SCARA5: variants seen among roughly 807,000 people sequenced by gnomAD.
SCARA5 encodes scavenger receptor class A member 5.
Under a neutral mutation model 46.3 loss-of-function variants are expected in SCARA5, and 45 were observed. That is an observed-to-expected ratio of 0.97 (90% CI 0.76 to 1.24). The LOEUF (loss-of-function observed/expected upper bound fraction) is 1.24, where lower values mean the gene tolerates loss of function less well. Ranked by LOEUF, SCARA5 falls within the 50% of genes most tolerant of loss-of-function variation. The probability of loss-of-function intolerance (pLI) is 0.00; values close to 1 mark genes in which losing one functional copy is unlikely to be tolerated. For missense variants in SCARA5, 680 were observed against 689.0 expected (o/e 0.99, Z 0.15); for synonymous variants, 333 against 306.5 (o/e 1.09, Z -0.90).
At chr8:27,879,507 T>A (rs1585459398) in intron 8 of SCARA5, 62 bp downstream of exon 8, 1 of 1,505,528 alleles carries the variant, frequency 6.6e-7, no homozygotes, top group Admixed American at 1.7e-5. Context: ...GCTTTGGAGG[T>A]GAGCCCAGTC....
intron 3 of SCARA5, among the ~76,000 whole-genome samples, chr8:27,953,014 A>G (rs1808152846): frequency 6.6e-6 from 1 of 152,200 alleles, no homozygotes; most frequent in South Asian, 2.1e-4. Context: ...ATGCATGTGG[A>G]TGTCAGACCC....
intron 7 of SCARA5, among the ~76,000 whole-genome samples, chr8:27,884,489 T>G (rs1040206826): frequency 6.6e-6 from 1 of 152,230 alleles, no homozygotes; most frequent in Non-Finnish European, 1.5e-5. Flanking sequence ...CACCTCTGGC[T>G]GCACCAGGAG....
At chr8:27,917,958 T>C (rs1585487130) in intron 4 of SCARA5, among the ~76,000 whole-genome samples, 1 of 152,280 alleles carries the variant, frequency 6.6e-6, no homozygotes, top group South Asian at 2.1e-4. Flanking sequence ...GAACCCAAAC[T>C]GGGTAGGGGA....
chr8:27,905,078 A>G (rs1382462953), intron 6 of SCARA5, among the ~76,000 whole-genome samples: 1 of 152,106 alleles, frequency 6.6e-6, no homozygotes, highest in Non-Finnish European at 1.5e-5. Flanking sequence ...CAAAGAGCAC[A>G]TGGAATTTTG....
At chr8:27,882,724 C>T (rs756757163) in intron 7 of SCARA5, among the ~76,000 whole-genome samples, 1 of 152,122 alleles carries the variant, frequency 6.6e-6, no homozygotes, top group Non-Finnish European at 1.5e-5. Flanking sequence ...TTGTAATGGG[C>T]GCCTGTTTTA....
chr8:27,904,977 G>T, intron 6 of SCARA5, 143 bp from the exon 7 acceptor site: 1 of 717,220 alleles, frequency 1.4e-6, no homozygotes, highest in South Asian at 1.8e-5. Flanking sequence ...CCAGCAGGCA[G>T]GAGAAGAGGG....
chr8:27,950,893 G>C (rs1175349619), intron 3 of SCARA5, among the ~76,000 whole-genome samples: 1 of 114,448 alleles, frequency 8.7e-6, no homozygotes, highest in Non-Finnish European at 2.0e-5. Context: ...AAAAAAAAAA[G>C]GTCAGTGTGG....
chr8:27,978,025 T>A (rs1312417891), intron 2 of SCARA5, among the ~76,000 whole-genome samples: 2 of 23,912 alleles, frequency 8.4e-5, no homozygotes, highest in African/African-American at 3.7e-4. Context: ...GTGTCTTTTG[T>A]TTTTTTTTTT....
chr8:27,919,241 G>GGAGGAGGAC (rs112972442), intron 4 of SCARA5, among the ~76,000 whole-genome samples: 132,978 of 140,076 alleles, frequency 0.95, 63,707 homozygotes, highest in East Asian at 1. Context: ...AGGAAGAGAC[G>GGAGGAGGAC]GAGGAGGAAG....
At chr8:27,934,932 CCAG>C (rs1219944204) in intron 3 of SCARA5, among the ~76,000 whole-genome samples, 2 of 152,262 alleles carry the variant, frequency 1.3e-5, no homozygotes, top group African/African-American at 4.8e-5. Context: ...AGTCTCACGG[CCAG>C]CATGAAGGAG....
intron 7 of SCARA5, among the ~76,000 whole-genome samples, chr8:27,899,577 C>A (rs1807117834): frequency 3.3e-5 from 5 of 152,230 alleles, no homozygotes. Context: ...CAAAGGGCCA[C>A]CAGGGACAGC....
rs772285032 is a variant in SCARA5 at position 27,937,652 on chromosome 8, C to T, written c.242-15407G>A. Among the ~76,000 whole-genome samples, 7 of 152,178 alleles carry T rather than the reference C, an allele frequency of 4.6e-5. No individual in the cohort carries two copies. The South Asian group carries it at 1.0e-3, about 23-fold the overall frequency. On this transcript the variant is annotated intron_variant, in intron 3 of 8. Coordinates refer to ENST00000354914, the MANE Select transcript of SCARA5 (RefSeq NM_173833.6). ...AAAATACCACAGACTGGGTGGCTTC[C>T]GCTACAGACTTTTATGTTCTCACAG...
At chr8:27,941,099 T>TA (rs144631283) in intron 3 of SCARA5, among the ~76,000 whole-genome samples, 87 of 149,996 alleles carry the variant, frequency 5.8e-4, no homozygotes, top group African/African-American at 1.4e-3. Flanking sequence ...ATCATATAGT[T>TA]AAAAAAAAAA....
intron 2 of SCARA5, among the ~76,000 whole-genome samples, chr8:27,979,299 G>T (rs1648215549): frequency 6.6e-6 from 1 of 152,188 alleles, no homozygotes; most frequent in African/African-American, 2.4e-5. Flanking sequence ...AGCAGAAGCA[G>T]ACATACTGAA....
At chr8:27,917,749 G>A (rs1807485436) in intron 4 of SCARA5, among the ~76,000 whole-genome samples, 1 of 152,188 alleles carries the variant, frequency 6.6e-6, no homozygotes, top group African/African-American at 2.4e-5. Context: ...CTCATTATAG[G>A]TCATAATTCA....
chr8:27,929,990 C>A (rs992738869), intron 3 of SCARA5, among the ~76,000 whole-genome samples: 1 of 152,166 alleles, frequency 6.6e-6, no homozygotes, highest in Non-Finnish European at 1.5e-5. Flanking sequence ...TTCTAGGAAG[C>A]AATGGCAGAG....
intron 2 of SCARA5, among the ~76,000 whole-genome samples, chr8:27,980,738 G>T (rs1182580332): frequency 6.6e-6 from 1 of 152,216 alleles, no homozygotes; most frequent in Non-Finnish European, 1.5e-5. Context: ...GGATGATGAA[G>T]GGACAGACAC....
chr8:27,873,571 C>A (rs1207925044), intron 8 of SCARA5, among the ~76,000 whole-genome samples: 2 of 152,054 alleles, frequency 1.3e-5, no homozygotes, highest in Non-Finnish European at 2.9e-5. Context: ...AGAGAACAAC[C>A]CCCTTTAACT....
At chr8:27,986,839 G>A (rs1808712532) in intron 2 of SCARA5, among the ~76,000 whole-genome samples, 1 of 152,212 alleles carries the variant, frequency 6.6e-6, no homozygotes, top group African/African-American at 2.4e-5. Context: ...TGACGTGGGG[G>A]CAATGCTCTC....
Sources: allele counts gnomAD v4.1 joint callset (sites outside exome capture counted in the v4.1 genomes callset), GRCh38; gene constraint gnomAD v4.1.1; transcripts MANE v1.5; gene names NCBI Gene and HGNC (gene_info 2026-07-23, HGNC 2026-07-21).